FES: variants seen among roughly 807,000 people sequenced by gnomAD.
FES encodes the protein FES proto-oncogene, tyrosine kinase, also known as tyrosine-protein kinase Fes/Fps.
Under a neutral mutation model 109.6 loss-of-function variants are expected in FES, and 83 were observed. The observed-to-expected ratio is 0.76, with a 90% CI of 0.63 to 0.91. FES has a LOEUF of 0.91. FES is among the 40% of genes least tolerant of loss of function. The pLI is 0.00. For synonymous variants in FES, 458 were observed against 442.1 expected, an observed-to-expected ratio of 1.04 and a Z score of -0.45; for missense variants, 943 against 1,070.9, an observed-to-expected ratio of 0.88 and a Z score of 1.67.
intron 13 of FES, 71 bp from the exon 14 acceptor site, chr15:90,892,636 G>A (rs1327290596): frequency 6.8e-7 from 1 of 1,465,332 alleles, no homozygotes; most frequent in Non-Finnish European, 9.3e-7. Context: ...GTAGGAAGCA[G>A]AATGGGTAGG....
At chr15:90,892,191 A>G in intron 13 of FES, 80 bp downstream of exon 13, 2 of 1,522,392 alleles carry the variant, frequency 1.3e-6, no homozygotes, top group East Asian at 2.2e-5. Context: ...TACCACCCAG[A>G]GACCTCCCTG....
At chr15:90,888,472 C>G (rs1055607816) in intron 5 of FES, among the ~76,000 whole-genome samples, 21 of 152,224 alleles carry the variant, frequency 1.4e-4, no homozygotes, top group African/African-American at 4.8e-4. Context: ...GGAGCAAGGA[C>G]AGAAGCTGGG....
rs1181559736 is a variant in FES at position 90,889,670 on chromosome 15, G to A, written c.926+34G>A. On this transcript the variant is annotated intron_variant, in intron 7 of 18. Coordinates refer to ENST00000328850, the MANE Select transcript of FES (RefSeq NM_002005.4). This position sits in a 1 kb window ranked among gnomAD's most constrained non-coding sequence, Gnocchi z 6.1. ...TGGCTTTGCACCTGGGCTGCGGCGGGGCTCCCAGCAGACCACGAGTGTTTA... is the reference window on the plus strand; with the variant it reads ...TGGCTTTGCACCTGGGCTGCGGCGGAGCTCCCAGCAGACCACGAGTGTTTA... The A allele has an allele frequency of 1.2e-6, 2 of 1,610,640 alleles. No homozygotes were observed. Among genetic ancestry groups the A allele is most frequent in the Admixed American group, 1.7e-5 (1 of 60,018 alleles).
chr15:90,891,296 G>C, intron 11 of FES, 105 bp downstream of exon 11: 1 of 1,362,818 alleles, frequency 7.3e-7, no homozygotes, highest in Middle Eastern at 2.5e-4. Flanking sequence ...CCAGGTCTTG[G>C]ATGCCTCCCT....
At chr15:90,891,532 C>T (rs1270317563) in intron 11 of FES, 22 bp from the exon 12 acceptor site, 2 of 1,612,940 alleles carry the variant, frequency 1.2e-6, no homozygotes, top group Non-Finnish European at 1.7e-6. Flanking sequence ...AGGCTGCTGA[C>T]CCCGGGTCCC....
In FES at chr15:90,885,207, G is replaced by A. The variant is rs1260460124; in HGVS notation, c.162G>A (p.Gln54=). 3.1e-6 allele frequency: 5 copies of A among 1,613,670 alleles called. No homozygotes were observed. The highest frequency in any genetic ancestry group is 4.2e-6 in the Non-Finnish European group (5 of 1,180,030). The change falls in exon 2 of 19, where the codon CAG becomes CAA. Residue 54 remains glutamine (Q), a synonymous_variant. Coordinates refer to ENST00000328850, the MANE Select transcript of FES (RefSeq NM_002005.4). ...YAGLLHHMSL[Q]DSGGQSRAIS... ...GACTGCTTCACCACATGTCCCTGCA[G>A]GACAGTGGGGGCCAGAGCCGGGCCA...
intron 18 of FES, among the ~76,000 whole-genome samples, chr15:90,894,691 G>A (rs531811117): frequency 3.0e-4 from 45 of 152,240 alleles, no homozygotes; most frequent in Non-Finnish European, 5.3e-4. Context: ...ACTGGAGCCC[G>A]GGAGGTGGAG....
Position 90,890,088 on chromosome 15 carries a change from G to T in FES, c.1050-4G>T, listed in dbSNP as rs1269023723. On this transcript the variant is annotated splice_region_variant and splice_polypyrimidine_tract_variant and intron_variant, in intron 8 of 18. Coordinates refer to ENST00000328850, the MANE Select transcript of FES (RefSeq NM_002005.4). Reference sequence around the variant, plus strand: ...TCCACCCTCCCACCCGCCCCTGCCTGCAGGGTGCAGCTGCTGGGCAAGAGG... The same window carrying T: ...TCCACCCTCCCACCCGCCCCTGCCTTCAGGGTGCAGCTGCTGGGCAAGAGG... The T allele has an allele frequency of 7.7e-6, 12 of 1,548,826 alleles. No individual in the cohort carries two copies. The highest frequency in any genetic ancestry group is 2.4e-5 in the East Asian group (1 of 42,460).
rs1464515986 is a variant in FES, at chr15:90,885,492, C to T, written c.294C>T (p.Pro98=). The change falls in exon 3 of 19, where the codon CCC becomes CCT. Residue 98 remains proline, a synonymous_variant. Coordinates refer to ENST00000328850, the MANE Select transcript of FES (RefSeq NM_002005.4). Reference sequence around the variant, plus strand: ...ACGCAGAGGATCTGAACTCAGGGCCCCTGAGCAAGCTGAGCCTGCTCATCC... The same window carrying T: ...ACGCAGAGGATCTGAACTCAGGGCCTCTGAGCAAGCTGAGCCTGCTCATCC... ...RQHAEDLNSG[P]LSKLSLLIRE... 4 of 1,613,418 alleles carry T rather than the reference C, an allele frequency of 2.5e-6. No homozygotes were observed. The highest frequency in any genetic ancestry group is 3.4e-6 in the Non-Finnish European group (4 of 1,180,028).
chr15:90,892,179 C>T, intron 13 of FES, 68 bp downstream of exon 13: 1 of 1,583,864 alleles, frequency 6.3e-7, no homozygotes, highest in Non-Finnish European at 8.6e-7. Context: ...GGCCCCCTGC[C>T]CTACCACCCA....
In FES at chr15:90,894,185, C is replaced by CA. The variant is rs1295779714; in HGVS notation, c.2326+128dup. 7 of 1,099,990 alleles carry CA rather than the reference C, an allele frequency of 6.4e-6. No individual in the cohort carries two copies. In the Middle Eastern group the frequency reaches 6.2e-4, roughly 98 times the overall value. 68.1% of individuals were successfully genotyped at this position (1,099,990 alleles called of 1,614,324 possible). ...AATAAGAATAACCTGGCCAGTTGCT[C>CA]ACGCCTGTCATCCCAGCACTTTGGG... is the stretch of plus-strand genomic sequence containing the variant. On this transcript the variant is annotated intron_variant, in intron 18 of 18. Transcript: ENST00000328850.
intron 12 of FES, 124 bp from the exon 13 acceptor site, chr15:90,891,934 C>G: frequency 8.2e-7 from 1 of 1,212,318 alleles, no homozygotes; most frequent in Non-Finnish European, 1.2e-6. Flanking sequence ...TCTCAGTGTG[C>G]TCCCCACGTG....
At chr15:90,887,769 T>C (rs1390771901) in intron 5 of FES, among the ~76,000 whole-genome samples, 2 of 152,200 alleles carry the variant, frequency 1.3e-5, no homozygotes, top group African/African-American at 4.8e-5. Flanking sequence ...AGGTGACAGT[T>C]GTCCATAGAG....
chr15:90,886,183 C>T (rs1425824467), intron 3 of FES, among the ~76,000 whole-genome samples: 1 of 152,280 alleles, frequency 6.6e-6, no homozygotes, highest in Non-Finnish European at 1.5e-5. Flanking sequence ...CATGGACCCA[C>T]AGCGGCCCCT....
In FES at chr15:90,893,273, G is replaced by T; in HGVS notation, c.1922-18G>T. The T allele has an allele frequency of 6.2e-7, 1 of 1,609,450 alleles. No homozygotes were observed. Among genetic ancestry groups the T allele is most frequent in the Non-Finnish European group, 8.5e-7 (1 of 1,177,486 alleles). Reference sequence around the variant, plus strand: ...GCCTTACCTCAGGAGGCTCAGCAGGGGTCCTCCCCACCTGCAGGGGGCGAC... The same window carrying T: ...GCCTTACCTCAGGAGGCTCAGCAGGTGTCCTCCCCACCTGCAGGGGGCGAC... On this transcript the variant is annotated intron_variant, in intron 15 of 18. Coordinates refer to ENST00000328850, the MANE Select transcript of FES (RefSeq NM_002005.4).
chr15:90,885,196 A>G lies in FES; in HGVS notation c.151A>G (p.Met51Val). 1.2e-6 allele frequency: 2 copies of G among 1,613,690 alleles called. No homozygotes were observed. Among genetic ancestry groups the G allele is most frequent in the Non-Finnish European group, 1.7e-6 (2 of 1,179,986 alleles). Residue 51 changes from methionine to valine, a missense_variant, in exon 2 of 19, where the codon ATG becomes GTG. Transcript: ENST00000328850. ...GGAGTATGCAGGACTGCTTCACCAC[A>G]TGTCCCTGCAGGACAGTGGGGGCCA... ...DREYAGLLHH[M>V]SLQDSGGQSR...
chr15:90,890,646 CTCCCTT>C, intron 10 of FES, 162 bp downstream of exon 10: 1 of 676,494 alleles, frequency 1.5e-6, no homozygotes, highest in Non-Finnish European at 2.5e-6. Flanking sequence ...CCTGTGACCC[CTCCCTT>C]TCCATCGCCC....
chr15:90,889,040 C>T lies in FES; in HGVS notation c.669-266C>T, dbSNP rs947150229. On this transcript the variant is annotated intron_variant, in intron 5 of 18. Transcript: ENST00000328850. The surrounding 1 kb of genome is among the most constrained non-coding windows in gnomAD (Gnocchi z 6.1). ...CTGACCTCAGGCAATCCACCCGCCT[C>T]GACCTCCCAGTGTTGGTATTATAGG... Among the ~76,000 whole-genome samples, 5 of 152,294 alleles carry T rather than the reference C, an allele frequency of 3.3e-5. No homozygotes were observed. The highest frequency in any genetic ancestry group is 5.9e-5 in the Non-Finnish European group (4 of 68,024).
At position 90,895,440 on chromosome 15, in the gene FES, TGTGTCCTGATGCCGTGTTCA is replaced by T. The variant is rs1402332178; in HGVS notation, c.2353_2372del (p.Cys785AlafsTer9). Reference sequence around the variant, plus strand: ...GGGGGCCGTCTGCCCTGCCCAGAGCTGTGTCCTGATGCCGTGTTCAGGCTCATGGAGCAGTGCTGGGCCTA... The same window carrying T: ...GGGGGCCGTCTGCCCTGCCCAGAGCTGGCTCATGGAGCAGTGCTGGGCCTA... On this transcript the variant is annotated frameshift_variant, in exon 19 of 19. Coordinates refer to ENST00000328850, the MANE Select transcript of FES (RefSeq NM_002005.4). LOFTEE classifies it high-confidence loss of function. 1 of 1,580,778 alleles carries T rather than the reference TGTGTCCTGATGCCGTGTTCA, an allele frequency of 6.3e-7. No homozygotes were observed. The highest frequency in any genetic ancestry group is 1.8e-5 in the Admixed American group (1 of 56,220).
Sources: allele counts gnomAD v4.1 joint callset (sites outside exome capture counted in the v4.1 genomes callset), GRCh38; gene constraint gnomAD v4.1.1; non-coding constraint Gnocchi (gnomAD v3.1); transcripts MANE v1.5; gene names NCBI Gene and HGNC (gene_info 2026-07-23, HGNC 2026-07-21).